PIGL: variants seen among roughly 807,000 people sequenced by gnomAD.
The protein encoded by PIGL is N-acetylglucosaminyl-phosphatidylinositol de-N-acetylase.
In PIGL, 22 loss-of-function variants were observed where a neutral mutation model predicts 31.1. That is an observed-to-expected ratio of 0.71 (90% CI 0.51 to 1.01). The LOEUF (loss-of-function observed/expected upper bound fraction) is 1.01, where lower values mean the gene tolerates loss of function less well. Among genes scored for constraint, PIGL ranks in the 50% least tolerant of loss-of-function variants. The pLI is 0.00. For missense variants in PIGL, 302 were observed against 315.9 expected (o/e 0.96, Z 0.33); for synonymous variants, 131 against 117.4 (o/e 1.12, Z -0.75).
chr17:16,304,574 A>G (rs1459986673), intron 3 of PIGL, among the ~76,000 whole-genome samples: 1 of 152,188 alleles, frequency 6.6e-6, no homozygotes, highest in Non-Finnish European at 1.5e-5. Flanking sequence ...CCTGGGCAAT[A>G]TATCGAGACT....
intron 3 of PIGL, among the ~76,000 whole-genome samples, chr17:16,300,459 T>C (rs2142836419): frequency 6.6e-6 from 1 of 152,308 alleles, no homozygotes; most frequent in South Asian, 2.1e-4. Flanking sequence ...GTTGGACGGA[T>C]CACCTGAAGT....
At chr17:16,317,650 C>G (rs748308684) in intron 5 of PIGL, 125 bp from the exon 6 acceptor site, 2 of 1,513,248 alleles carry the variant, frequency 1.3e-6, no homozygotes, top group South Asian at 2.6e-5. Context: ...CACAGAAACA[C>G]GTGGCAATGC....
chr17:16,300,230 T>G (rs2142835941), intron 3 of PIGL: 1 of 440,006 alleles, frequency 2.3e-6, no homozygotes, highest in Non-Finnish European at 4.1e-6. Flanking sequence ...AGAAGTTTTT[T>G]CTAAACTGTG....
intron 3 of PIGL, among the ~76,000 whole-genome samples, chr17:16,304,725 C>T (rs977024377): frequency 1.3e-5 from 2 of 152,204 alleles, no homozygotes; most frequent in Admixed American, 6.5e-5. Flanking sequence ...CTCAACCCCT[C>T]TACCTCAACT....
intron 2 of PIGL, among the ~76,000 whole-genome samples, chr17:16,258,469 C>G (rs1221196010): frequency 6.6e-6 from 1 of 151,332 alleles, no homozygotes; most frequent in African/African-American, 2.4e-5. Flanking sequence ...TGAGCCACCT[C>G]ACCTGGCCTC....
At chr17:16,320,692 T>G (rs932850582) in intron 6 of PIGL, among the ~76,000 whole-genome samples, 1 of 152,028 alleles carries the variant, frequency 6.6e-6, no homozygotes, top group African/African-American at 2.4e-5. Flanking sequence ...TGGAGTGCAG[T>G]GGCACAATCT....
chr17:16,288,061 T>C lies in PIGL; in HGVS notation c.336-11827T>C, dbSNP rs2092945344. ...CAGTACATAACAGTGCCCCTTTCTC[T>C]GTGTCTTTCTCCAACACAGACATCT... is the stretch of plus-strand genomic sequence containing the variant. On this transcript the variant is annotated intron_variant, in intron 2 of 6. Transcript: ENST00000225609. 2.6e-5 allele frequency among the ~76,000 whole-genome samples: 4 copies of C among 152,262 alleles called. No individual in the cohort carries two copies. The South Asian group carries it at 8.3e-4, about 31-fold the overall frequency.
At chr17:16,246,253 C>G (rs892605291) in intron 2 of PIGL, among the ~76,000 whole-genome samples, 1 of 151,698 alleles carries the variant, frequency 6.6e-6, no homozygotes, top group Non-Finnish European at 1.5e-5. Context: ...GGTGCGGTGG[C>G]TCACACCTGT....
intron 2 of PIGL, among the ~76,000 whole-genome samples, chr17:16,245,760 A>G (rs1472436942): frequency 4.0e-5 from 6 of 150,804 alleles, no homozygotes; most frequent in African/African-American, 1.2e-4. Context: ...ACACACATAT[A>G]TATATACATA....
chr17:16,225,103 T>A (rs1224753764), intron 1 of PIGL, among the ~76,000 whole-genome samples: 2 of 152,232 alleles, frequency 1.3e-5, no homozygotes, highest in African/African-American at 4.8e-5. Context: ...TGTTAATAGT[T>A]TTATAATTAA....
Position 16,315,951 on chromosome 17 carries a change from C to T in PIGL, c.495-730C>T, listed in dbSNP as rs549261348. Reference sequence around the variant, plus strand: ...GACCTCGTGATCCGCTTGCCTCGGCCTCCCAAAGTGCTGGGTTTACAGGCG... The same window carrying T: ...GACCTCGTGATCCGCTTGCCTCGGCTTCCCAAAGTGCTGGGTTTACAGGCG... On this transcript the variant is annotated intron_variant, in intron 4 of 6. Coordinates refer to ENST00000225609, the MANE Select transcript of PIGL (RefSeq NM_004278.4). Among the ~76,000 whole-genome samples the T allele has an allele frequency of 7.4e-4, 113 of 152,162 alleles. No homozygotes were observed. In the South Asian group the frequency reaches 0.023, roughly 31 times the overall value.
chr17:16,303,091 G>T (rs1465735793), intron 3 of PIGL, among the ~76,000 whole-genome samples: 1 of 152,124 alleles, frequency 6.6e-6, no homozygotes, highest in Admixed American at 6.6e-5. Context: ...TGCCATTCTT[G>T]CTTTCAGAAG....
intron 1 of PIGL, among the ~76,000 whole-genome samples, chr17:16,221,309 A>G (rs2142633402): frequency 6.6e-6 from 1 of 152,288 alleles, no homozygotes; most frequent in East Asian, 1.9e-4. Flanking sequence ...TTTGACTCCT[A>G]TAGTTGCAAT....
At chr17:16,217,616 GA>G in intron 1 of PIGL, 155 bp downstream of exon 1, 12 of 580,154 alleles carry the variant, frequency 2.1e-5, no homozygotes, top group Admixed American at 1.0e-4. Context: ...CTAGGGACAG[GA>G]GCGGCCGGCT....
chr17:16,292,237 T>C (rs1461568782), intron 2 of PIGL, among the ~76,000 whole-genome samples: 1 of 151,962 alleles, frequency 6.6e-6, no homozygotes, highest in Non-Finnish European at 1.5e-5. Context: ...CTTCACCGTG[T>C]TGGCCAGGCT....
At chr17:16,228,786 A>G (rs2092665430) in intron 1 of PIGL, among the ~76,000 whole-genome samples, 1 of 152,148 alleles carries the variant, frequency 6.6e-6, no homozygotes, top group Admixed American at 6.6e-5. Context: ...TAGAAACTCT[A>G]TACCTGTTTA....
intron 3 of PIGL, among the ~76,000 whole-genome samples, chr17:16,311,194 A>G (rs576217730): frequency 6.6e-4 from 100 of 151,754 alleles, no homozygotes; most frequent in Non-Finnish European, 1.2e-3. Context: ...ACCCCTAATC[A>G]ATCATTCTAT....
At chr17:16,303,541 CT>C (rs561800983) in intron 3 of PIGL, among the ~76,000 whole-genome samples, 3,374 of 145,598 alleles carry the variant, frequency 0.023, 106 homozygotes, top group African/African-American at 0.075. Flanking sequence ...TAAATTTCTC[CT>C]TTTTTTTTTT....
intron 1 of PIGL, among the ~76,000 whole-genome samples, chr17:16,227,934 T>G (rs1210498951): frequency 6.6e-6 from 1 of 152,086 alleles, no homozygotes; most frequent in Non-Finnish European, 1.5e-5. Context: ...TTTATAGGGA[T>G]AACGCCTATA....
Sources: allele counts gnomAD v4.1 joint callset (sites outside exome capture counted in the v4.1 genomes callset), GRCh38; gene constraint gnomAD v4.1.1; transcripts MANE v1.5; gene names NCBI Gene and HGNC (gene_info 2026-07-23, HGNC 2026-07-21).